RALGAPA1: variants seen among roughly 807,000 people sequenced by gnomAD.
The protein encoded by RALGAPA1 is Ral GTPase activating protein catalytic subunit alpha 1, also known as ral GTPase-activating protein subunit alpha-1.
RALGAPA1 carries 52 observed loss-of-function variants against 269.6 expected under a neutral mutation model. The observed-to-expected ratio is 0.19, with a 90% confidence interval of 0.15 to 0.24. The LOEUF is 0.24. Ranked by LOEUF, RALGAPA1 falls within the 10% of genes least tolerant of loss-of-function variation. The pLI, the probability that RALGAPA1 is intolerant of heterozygous loss-of-function variation, is 1.00. For missense variants in RALGAPA1, 1,917 were observed against 3,013.9 expected (o/e 0.64, Z 8.52); for synonymous variants, 817 against 1,008.3 (o/e 0.81, Z 3.60).
At chr14:35,762,658 T>C (rs2073824455) in intron 5 of RALGAPA1, 52 bp downstream of exon 5, 2 of 979,674 alleles carry the variant, frequency 2.0e-6, no homozygotes, top group East Asian at 2.4e-5. Flanking sequence ...ACAGGTGGGA[T>C]GTATGTTCTA....
chr14:35,785,334 A>T (rs1467295341), intron 1 of RALGAPA1, among the ~76,000 whole-genome samples: 1 of 152,210 alleles, frequency 6.6e-6, no homozygotes, highest in East Asian at 1.9e-4. Flanking sequence ...AAAATGATGG[A>T]TCTGATCTGA....
At chr14:35,566,516 C>A (rs1379455746) in intron 39 of RALGAPA1, among the ~76,000 whole-genome samples, 1 of 152,072 alleles carries the variant, frequency 6.6e-6, no homozygotes, top group East Asian at 1.9e-4. Flanking sequence ...TTTATCCCTT[C>A]ATTTCTTTTA....
intron 3 of RALGAPA1, among the ~76,000 whole-genome samples, chr14:35,773,730 C>T (rs1391718964): frequency 6.6e-6 from 1 of 151,998 alleles, no homozygotes; most frequent in Non-Finnish European, 1.5e-5. Flanking sequence ...AATCAAATTC[C>T]TCAGGGGTCA....
chr14:35,695,591 C>T (rs2066838542), intron 17 of RALGAPA1, among the ~76,000 whole-genome samples: 1 of 152,122 alleles, frequency 6.6e-6, no homozygotes, highest in African/African-American at 2.4e-5. Flanking sequence ...AATGACAAAT[C>T]AGTTTTGGGA....
chr14:35,740,347 G>A (rs2141139593), intron 11 of RALGAPA1, among the ~76,000 whole-genome samples: 1 of 152,272 alleles, frequency 6.6e-6, no homozygotes, highest in East Asian at 1.9e-4. Flanking sequence ...AAATTTGTGA[G>A]TGTTTTCTTG....
At chr14:35,619,825 A>G (rs1198262348) in intron 35 of RALGAPA1, among the ~76,000 whole-genome samples, 3 of 152,220 alleles carry the variant, frequency 2.0e-5, no homozygotes, top group Non-Finnish European at 4.4e-5. Flanking sequence ...GAATAGACCA[A>G]TAACAGGCTC....
intron 1 of RALGAPA1, among the ~76,000 whole-genome samples, chr14:35,786,299 TAC>T (rs1222308365): frequency 6.6e-6 from 1 of 152,146 alleles, no homozygotes; most frequent in African/African-American, 2.4e-5. Flanking sequence ...AGTAGAGTGA[TAC>T]AGTCAGGGAA....
chr14:35,798,684 C>G lies in RALGAPA1; in HGVS notation c.106+10046G>C, dbSNP rs565542184. ...TTAAAGGCAGTCCTTCATGCAGAAA[C>G]AAAATTATACTGAATAGAAATATCG... On this transcript the variant is annotated intron_variant, in intron 1 of 41. Transcript: ENST00000680220. 7.9e-5 allele frequency among the ~76,000 whole-genome samples: 12 copies of G among 152,202 alleles called. No individual in the cohort carries two copies. In the South Asian group the frequency reaches 2.5e-3, roughly 32 times the overall value.
intron 37 of RALGAPA1, among the ~76,000 whole-genome samples, chr14:35,593,556 T>C (rs2058755553): frequency 6.6e-6 from 1 of 152,036 alleles, no homozygotes; most frequent in Admixed American, 6.6e-5. Flanking sequence ...AGGGGCATCA[T>C]ATTCCCTGAT....
intron 37 of RALGAPA1, 28 bp downstream of exon 37, chr14:35,595,606 T>C (rs374609975): frequency 5.2e-5 from 83 of 1,590,312 alleles, no homozygotes; most frequent in Non-Finnish European, 6.5e-5. Flanking sequence ...ATGAGCATTT[T>C]AATTTGAAAG....
chr14:35,681,921 G>T (rs2065479353), intron 21 of RALGAPA1, among the ~76,000 whole-genome samples: 1 of 151,964 alleles, frequency 6.6e-6, no homozygotes. Flanking sequence ...TTTTGTATTT[G>T]ACTTCTTTCA....
At chr14:35,670,327 G>A (rs188677539) in intron 26 of RALGAPA1, among the ~76,000 whole-genome samples, 1 of 152,246 alleles carries the variant, frequency 6.6e-6, no homozygotes, top group East Asian at 1.9e-4. Flanking sequence ...AGACAAGTAT[G>A]TTTTTCTCAC....
chr14:35,713,414 G>A (rs973632883), intron 16 of RALGAPA1, among the ~76,000 whole-genome samples: 1 of 152,050 alleles, frequency 6.6e-6, no homozygotes, highest in Non-Finnish European at 1.5e-5. Flanking sequence ...TTCATCCCTG[G>A]TCCTGACTTT....
At chr14:35,665,477 C>T (rs2063854091) in intron 26 of RALGAPA1, among the ~76,000 whole-genome samples, 1 of 152,102 alleles carries the variant, frequency 6.6e-6, no homozygotes, top group African/African-American at 2.4e-5. Flanking sequence ...TTAATAATAC[C>T]TAACAAAAAT....
intron 14 of RALGAPA1, among the ~76,000 whole-genome samples, chr14:35,724,032 T>C (rs115256916): frequency 0.022 from 3,318 of 152,236 alleles, 118 homozygotes; most frequent in African/African-American, 0.075. Context: ...GGTACAGAAC[T>C]ATAGTAACTA....
intron 6 of RALGAPA1, among the ~76,000 whole-genome samples, chr14:35,759,600 A>AG (rs1002028259): frequency 4.5e-4 from 68 of 152,090 alleles, no homozygotes; most frequent in African/African-American, 1.6e-3. Flanking sequence ...AGTAAAAAAA[A>AG]AAAAAAAAGT....
In RALGAPA1 at chr14:35,610,286, CT is replaced by C. The variant is rs555907360; in HGVS notation, c.6930-4578del. Among the ~76,000 whole-genome samples the C allele has an allele frequency of 1.4e-3, 196 of 141,456 alleles. 1 individual carries two copies. Among genetic ancestry groups the C allele is most frequent in the South Asian group, 4.1e-3 (18 of 4,416 alleles). The allele number at this position is 141,456 out of a possible 152,430, so 92.8% of individuals were successfully genotyped here. ...ATTCCTAGAAAGACACAATTTTTTT[CT>C]TTTTTTTTTTTTTGAGATGGAGTCT... On this transcript the variant is annotated intron_variant, in intron 35 of 41. Coordinates refer to ENST00000680220, the MANE Select transcript of RALGAPA1 (RefSeq NM_001346249.2).
At chr14:35,754,160 T>C (rs2072978908) in intron 7 of RALGAPA1, among the ~76,000 whole-genome samples, 1 of 152,048 alleles carries the variant, frequency 6.6e-6, no homozygotes, top group African/African-American at 2.4e-5. Context: ...GAACAAAACG[T>C]AGGAGAATAT....
At chr14:35,632,096 T>C (rs1183200436) in intron 33 of RALGAPA1, among the ~76,000 whole-genome samples, 2 of 152,190 alleles carry the variant, frequency 1.3e-5, no homozygotes, top group Non-Finnish European at 2.9e-5. Flanking sequence ...AAGTTGCTTC[T>C]CTAAATTCAG....
Sources: allele counts gnomAD v4.1 joint callset (sites outside exome capture counted in the v4.1 genomes callset), GRCh38; gene constraint gnomAD v4.1.1; transcripts MANE v1.5; gene names NCBI Gene and HGNC (gene_info 2026-07-23, HGNC 2026-07-21).